LRPPRC: variants seen among roughly 807,000 people sequenced by gnomAD.
The protein encoded by LRPPRC is leucine rich pentatricopeptide repeat containing, also known as leucine-rich PPR motif-containing protein, mitochondrial.
LRPPRC carries 120 observed loss-of-function variants against 180.3 expected under a neutral mutation model. That is an observed-to-expected ratio of 0.67 (90% CI 0.57 to 0.77). The LOEUF is 0.77. LRPPRC is among the 30% of genes least tolerant of loss of function. LRPPRC has a pLI of 0.00. For missense variants in LRPPRC, 2,012 were observed against 1,657.2 expected (o/e 1.21, Z -3.72); for synonymous variants, 723 against 600.0 (o/e 1.21, Z -3.00).
chr2:43,958,973 G>C, intron 13 of LRPPRC: 1 of 438,928 alleles, frequency 2.3e-6, no homozygotes, highest in East Asian at 3.4e-5. Flanking sequence ...ATTCAAAATA[G>C]TATTCTACAG....
At chr2:43,981,654 C>T (rs1674313507) in intron 2 of LRPPRC, among the ~76,000 whole-genome samples, 1 of 150,398 alleles carries the variant, frequency 6.6e-6, no homozygotes, top group Non-Finnish European at 1.5e-5. Flanking sequence ...AGCGATACTC[C>T]ATCCCAAAAA....
chr2:43,990,739 T>C (rs1032948989), intron 1 of LRPPRC, among the ~76,000 whole-genome samples: 1 of 152,166 alleles, frequency 6.6e-6, no homozygotes, highest in Non-Finnish European at 1.5e-5. Context: ...GCACGTCTAA[T>C]AGTTGTACAT....
chr2:43,892,530 T>G (rs1208482145), intron 36 of LRPPRC, among the ~76,000 whole-genome samples: 1 of 152,168 alleles, frequency 6.6e-6, no homozygotes, highest in East Asian at 1.9e-4. Context: ...AAGATTCCTT[T>G]CAAAATATTA....
At chr2:43,989,099 C>A (rs527635678) in intron 1 of LRPPRC, among the ~76,000 whole-genome samples, 1 of 152,278 alleles carries the variant, frequency 6.6e-6, no homozygotes, top group African/African-American at 2.4e-5. Flanking sequence ...TCTTGAACTC[C>A]TGGCTTCAAG....
chr2:43,976,266 T>C (rs764561837), intron 5 of LRPPRC, 37 bp from the exon 6 acceptor site: 7 of 1,120,298 alleles, frequency 6.2e-6, no homozygotes, highest in Non-Finnish European at 9.6e-6. Flanking sequence ...TTGAAAGTAT[T>C]TATAAGAACA....
At chr2:43,929,120 C>A (rs1182416059) in intron 25 of LRPPRC, among the ~76,000 whole-genome samples, 1 of 152,162 alleles carries the variant, frequency 6.6e-6, no homozygotes, top group Non-Finnish European at 1.5e-5. Flanking sequence ...AGATGAATTT[C>A]TATCTGAAAT....
intron 20 of LRPPRC, 62 bp from the exon 21 acceptor site, chr2:43,946,305 T>G: frequency 7.7e-7 from 1 of 1,300,568 alleles, no homozygotes; most frequent in Non-Finnish European, 1.1e-6. Context: ...TGTCACATTT[T>G]TAGCTTTACT....
At chr2:43,985,329 C>T (rs1403690776) in intron 1 of LRPPRC, among the ~76,000 whole-genome samples, 2 of 152,152 alleles carry the variant, frequency 1.3e-5, no homozygotes, top group African/African-American at 4.8e-5. Context: ...AAATGATGAA[C>T]CAATGCTGAT....
chr2:43,922,974 C>G (rs186432517), intron 27 of LRPPRC, among the ~76,000 whole-genome samples: 29 of 152,168 alleles, frequency 1.9e-4, no homozygotes, highest in African/African-American at 7.0e-4. Context: ...CACTGGCTTC[C>G]AGCCTCCTAA....
At chr2:43,898,119 A>G (rs1670755483) in intron 34 of LRPPRC, among the ~76,000 whole-genome samples, 1 of 151,950 alleles carries the variant, frequency 6.6e-6, no homozygotes, top group African/African-American at 2.4e-5. Context: ...AGCAAAGCAA[A>G]ACAAGAAAAT....
chr2:43,973,596 CA>C lies in LRPPRC; in HGVS notation c.1369+10del. 1.3e-6 allele frequency: 2 copies of C among 1,588,674 alleles called. No individual in the cohort carries two copies. The highest frequency in any genetic ancestry group is 2.2e-5 in the South Asian group (2 of 90,610). Reference sequence around the variant, plus strand: ...GGAACCATTACAAATCGGTAAAAGGCAAAATCTAACCTTGAACATTTTTTTC... The same window carrying C: ...GGAACCATTACAAATCGGTAAAAGGCAAATCTAACCTTGAACATTTTTTTC... On this transcript the variant is annotated intron_variant, in intron 11 of 37. Transcript: ENST00000260665.
chr2:43,925,757 C>CTGGCAAA, intron 26 of LRPPRC, 136 bp downstream of exon 26: 1 of 730,680 alleles, frequency 1.4e-6, no homozygotes, highest in South Asian at 1.4e-5. Flanking sequence ...CATTGCTTAT[C>CTGGCAAA]TGGCAAATGA....
At chr2:43,904,692 C>CAAAAAAAAAAAAAAAA (rs775237727) in intron 31 of LRPPRC, 1 of 43,152 alleles carries the variant, frequency 2.3e-5, no homozygotes, top group East Asian at 1.3e-3. Flanking sequence ...GACCCTATCT[C>CAAAAAAAAAAAAAAAA]AAAAAAAACA....
chr2:43,890,994 G>A (rs943699716), intron 36 of LRPPRC, among the ~76,000 whole-genome samples: 5 of 152,200 alleles, frequency 3.3e-5, no homozygotes, highest in African/African-American at 1.2e-4. Flanking sequence ...AACTCCGGCA[G>A]CACCAGGGGA....
At chr2:43,991,953 T>C (rs908155022) in intron 1 of LRPPRC, among the ~76,000 whole-genome samples, 7 of 152,226 alleles carry the variant, frequency 4.6e-5, no homozygotes, top group African/African-American at 7.2e-5. Context: ...AAGATTTTCA[T>C]TGATTCACTC....
At chr2:43,917,987 A>ACC in intron 29 of LRPPRC, 38 bp downstream of exon 29, 1 of 950,924 alleles carries the variant, frequency 1.1e-6, no homozygotes, top group Admixed American at 1.8e-5. Flanking sequence ...AAAGAAGACC[A>ACC]CCCCCCCACA....
intron 36 of LRPPRC, among the ~76,000 whole-genome samples, chr2:43,894,299 G>C (rs186786600): frequency 1.2e-3 from 185 of 152,228 alleles, no homozygotes; most frequent in Admixed American, 1.8e-3. Context: ...CGGACTGCTC[G>C]GAAGATGTTC....
At chr2:43,987,600 A>G (rs1395409648) in intron 1 of LRPPRC, among the ~76,000 whole-genome samples, 2 of 151,876 alleles carry the variant, frequency 1.3e-5, no homozygotes, top group African/African-American at 4.8e-5. Flanking sequence ...ATCTTAGACT[A>G]ATTATTTTAT....
intron 25 of LRPPRC, among the ~76,000 whole-genome samples, chr2:43,930,169 C>T (rs1672034792): frequency 6.6e-6 from 1 of 151,974 alleles, no homozygotes; most frequent in South Asian, 2.1e-4. Context: ...GAGTTTTTCC[C>T]CCACTGAGAA....
Sources: allele counts gnomAD v4.1 joint callset (sites outside exome capture counted in the v4.1 genomes callset), GRCh38; gene constraint gnomAD v4.1.1; transcripts MANE v1.5; gene names NCBI Gene and HGNC (gene_info 2026-07-23, HGNC 2026-07-21).